CYFIP1: variants seen among roughly 807,000 people sequenced by gnomAD.
CYFIP1 encodes cytoplasmic FMR1 interacting protein 1, also known as cytoplasmic FMR1-interacting protein 1.
CYFIP1 carries 58 observed loss-of-function variants against 163.5 expected under a neutral mutation model. The ratio of observed to expected loss-of-function variants is 0.35; its 90% CI spans 0.29 to 0.44. The LOEUF is 0.44. Among genes scored for constraint, CYFIP1 ranks in the 20% least tolerant of loss-of-function variants. The pLI is 1.00. For synonymous variants in CYFIP1, 663 were observed against 660.7 expected (o/e 1.00, Z -0.05); for missense variants, 1,338 against 1,653.8 (o/e 0.81, Z 3.31).
chr15:22,964,407 A>ACACACACACACACACC (rs2039899377), intron 1 of CYFIP1, among the ~76,000 whole-genome samples: 1 of 135,600 alleles, frequency 7.4e-6, no homozygotes, highest in African/African-American at 2.7e-5. Flanking sequence ...ACACACACAC[A>ACACACACACACACACC]CCCGGCAGCC....
intron 6 of CYFIP1, among the ~76,000 whole-genome samples, chr15:22,940,938 G>A (rs1270010981): frequency 6.6e-6 from 1 of 152,180 alleles, no homozygotes; most frequent in Non-Finnish European, 1.5e-5. Context: ...TACTCGGGAG[G>A]CTGAGACAGG....
chr15:22,973,145 AAAC>A (rs2063153985), intron 1 of CYFIP1, among the ~76,000 whole-genome samples: 1 of 151,928 alleles, frequency 6.6e-6, no homozygotes, highest in South Asian at 2.1e-4. Flanking sequence ...CAAAAAAACA[AAAC>A]AACAACCAAC....
At chr15:22,914,485 G>C (rs916490227) in intron 17 of CYFIP1, among the ~76,000 whole-genome samples, 1 of 151,524 alleles carries the variant, frequency 6.6e-6, no homozygotes. Context: ...GAATGCAGTG[G>C]TGCAATCCAT....
chr15:22,975,185 G>A (rs774905770), intron 1 of CYFIP1, among the ~76,000 whole-genome samples: 2 of 152,210 alleles, frequency 1.3e-5, no homozygotes, highest in South Asian at 4.1e-4. Context: ...TATCAGTAAG[G>A]TTTCTGGTCA....
At position 22,881,896 on chromosome 15, in the gene CYFIP1, T is replaced by G; in HGVS notation, c.2861A>C (p.Glu954Ala). 1 of 1,612,554 alleles carries G rather than the reference T, an allele frequency of 6.2e-7. No individual in the cohort carries two copies. ...TILQYVKTLM[E>A]VMPKICRLPR... is the part of the protein sequence containing the mutation. ...CAGGCGGCAGATCTTGGGCATCACC[T>G]CCATCAGCGTCTTCACGTACTGCAG... The change falls in exon 25 of 31, where the codon GAG becomes GCG. Residue 954 changes from glutamate (E) to alanine (A), a missense_variant. Physicochemically the swap from Glu to Ala is moderately radical, Grantham distance 107 (BLOSUM62 -1). Transcript: ENST00000617928.
At chr15:22,914,932 C>A (rs777400553) in intron 16 of CYFIP1, 50 bp from the exon 17 acceptor site, 7 of 1,554,834 alleles carry the variant, frequency 4.5e-6, no homozygotes, top group South Asian at 1.2e-5. Context: ...CAAAAAAAAA[C>A]CTTTAGCAGA....
At chr15:22,943,840 T>C (rs549049035) in intron 5 of CYFIP1, among the ~76,000 whole-genome samples, 53 of 152,178 alleles carry the variant, frequency 3.5e-4, no homozygotes, top group Admixed American at 8.5e-4. Context: ...GCCCCTTCCA[T>C]GTGGCTACTT....
chr15:22,879,871 G>A, intron 26 of CYFIP1, 42 bp downstream of exon 26: 2 of 1,482,412 alleles, frequency 1.3e-6, no homozygotes, highest in Non-Finnish European at 9.1e-7. Flanking sequence ...GTGGGGTGGG[G>A]TGGGCTGGGG....
chr15:22,951,460 CA>C, intron 1 of CYFIP1: 1 of 1,289,452 alleles, frequency 7.8e-7, no homozygotes, highest in African/African-American at 1.5e-5. Flanking sequence ...TCCACGCAGG[CA>C]CCTCAGGGTG....
intron 1 of CYFIP1, among the ~76,000 whole-genome samples, chr15:22,959,139 C>G (rs1450896040): frequency 6.6e-6 from 1 of 152,172 alleles, no homozygotes; most frequent in Non-Finnish European, 1.5e-5. Context: ...CTGGCAGATG[C>G]CTGGGTTGGG....
chr15:22,969,598 C>T (rs990312275), intron 1 of CYFIP1, among the ~76,000 whole-genome samples: 2 of 152,146 alleles, frequency 1.3e-5, no homozygotes, highest in African/African-American at 4.8e-5. Flanking sequence ...GCCATCAGCT[C>T]TCTGGATATA....
At chr15:22,894,929 A>C (rs2060196172) in intron 22 of CYFIP1, among the ~76,000 whole-genome samples, 1 of 144,496 alleles carries the variant, frequency 6.9e-6, no homozygotes, top group African/African-American at 2.6e-5. Flanking sequence ...GATCTTGACT[A>C]ACTGCAGCCT....
intron 9 of CYFIP1, among the ~76,000 whole-genome samples, chr15:22,934,123 T>C (rs1454081611): frequency 7.2e-6 from 1 of 139,682 alleles, no homozygotes; most frequent in Non-Finnish European, 1.5e-5. Flanking sequence ...AAAATTAACC[T>C]ACCATGTTGC....
At chr15:22,893,265 C>T (rs1172715527) in intron 22 of CYFIP1, among the ~76,000 whole-genome samples, 2 of 152,202 alleles carry the variant, frequency 1.3e-5, no homozygotes, top group Non-Finnish European at 2.9e-5. Flanking sequence ...AGCTCGTGGG[C>T]TCTGCTGCGC....
At chr15:22,974,971 C>T (rs2063216841) in intron 1 of CYFIP1, among the ~76,000 whole-genome samples, 1 of 151,254 alleles carries the variant, frequency 6.6e-6, no homozygotes. Context: ...CCATCCACTT[C>T]CTCCTCCTTG....
At chr15:22,980,652 T>G (rs1256043989), upstream of CYFIP1, among the ~76,000 whole-genome samples, 1 of 151,892 alleles carries the variant, frequency 6.6e-6, no homozygotes, top group Admixed American at 6.5e-5. Flanking sequence ...GTCCGTCCGG[T>G]TCGGAGCGCG....
chr15:22,874,686 A>G lies in CYFIP1; in HGVS notation c.3116-42T>C, dbSNP rs752688638. 10 of 1,376,266 alleles carry G rather than the reference A, an allele frequency of 7.3e-6. 1 individual carries two copies. In the South Asian group the frequency reaches 1.3e-4, roughly 18 times the overall value. The allele number at this position is 1,376,266 out of a possible 1,614,324, so 85.3% of individuals were successfully genotyped here. A position where few individuals can be genotyped will look rare whatever the true frequency, so the allele number is the denominator to read the frequency against. On this transcript the variant is annotated intron_variant, in intron 27 of 30. Transcript: ENST00000617928. The stretch of plus-strand genomic sequence containing the variant: ...ATTTTACTATATTCTGCTCCTTTGT[A>G]TGAAACGGTAATTGCAAAGGTTTAC...
chr15:22,936,653 T>C (rs1303064478), intron 9 of CYFIP1, among the ~76,000 whole-genome samples: 1 of 152,184 alleles, frequency 6.6e-6, no homozygotes, highest in African/African-American at 2.4e-5. Flanking sequence ...CTCCTGGGTA[T>C]GCACCCAACA....
At position 22,939,333 on chromosome 15, in the gene CYFIP1, G is replaced by C; in HGVS notation, c.667-13C>G. 3 of 1,614,138 alleles carry C rather than the reference G, an allele frequency of 1.9e-6. No homozygotes were observed. In the South Asian group the frequency reaches 3.3e-5, roughly 18 times the overall value. ...GCTGCTGCAGAGACTGAAACACAGA[G>C]CAAGAGACTCATGCATGGGCCCGGC... On this transcript the variant is annotated splice_polypyrimidine_tract_variant and intron_variant, in intron 7 of 30. Coordinates refer to ENST00000617928, the MANE Select transcript of CYFIP1 (RefSeq NM_014608.6).
Sources: allele counts gnomAD v4.1 joint callset (sites outside exome capture counted in the v4.1 genomes callset), GRCh38; gene constraint gnomAD v4.1.1; transcripts MANE v1.5; gene names NCBI Gene and HGNC (gene_info 2026-07-23, HGNC 2026-07-21).